PGK1: variants seen among roughly 807,000 people sequenced by gnomAD.
PGK1 encodes the protein phosphoglycerate kinase 1, also known as PRP 2.
PGK1 carries 3 observed loss-of-function variants against 26.9 expected under a neutral mutation model. That is an observed-to-expected ratio of 0.11 (90% CI 0.05 to 0.29). The LOEUF is 0.29. Among genes scored for constraint, PGK1 ranks in the 10% least tolerant of loss-of-function variants. The pLI, the probability that PGK1 is intolerant of heterozygous loss-of-function variation, is 1.00. For synonymous variants in PGK1, 125 were observed against 115.3 expected, an observed-to-expected ratio of 1.08 and a Z score of -0.54; for missense variants, 270 against 314.7, an observed-to-expected ratio of 0.86 and a Z score of 1.07.
At chrX:78,105,027 T>C (rs2078264044) in intron 1 of PGK1, among the ~76,000 whole-genome samples, 1 of 112,529 alleles carries the variant, frequency 8.9e-6, no homozygotes, top group African/African-American at 3.2e-5. Flanking sequence ...ATCGTTGGAC[T>C]CTTGGGCACA....
intron 9 of PGK1, 137 bp from the exon 10 acceptor site, chrX:78,125,190 G>A: frequency 2.8e-6 from 2 of 717,847 alleles, no homozygotes; most frequent in Non-Finnish European, 4.4e-6. Context: ...ATTTACAGAG[G>A]AGCCTCTTGG....
intron 6 of PGK1, among the ~76,000 whole-genome samples, chrX:78,118,642 G>A (rs2149134285): frequency 1.8e-5 from 2 of 111,264 alleles, no homozygotes; most frequent in East Asian, 5.6e-4. Context: ...GGTGTGGGTA[G>A]GGTTCAGGGA....
At chrX:78,106,609 A>G (rs2078273833) in intron 1 of PGK1, 3 of 752,474 alleles carry the variant, frequency 4.0e-6, no homozygotes, top group Non-Finnish European at 4.7e-6. Context: ...GAAGTGAACT[A>G]TGGTATTTGC....
intron 4 of PGK1, among the ~76,000 whole-genome samples, 179 bp downstream of exon 4, chrX:78,114,339 G>C (rs1557247251): frequency 8.9e-6 from 1 of 112,000 alleles, no homozygotes; most frequent in Non-Finnish European, 1.9e-5. Flanking sequence ...CACCACCCAG[G>C]TCAAGGAATA....
chrX:78,116,744 A>T (rs781956728), intron 4 of PGK1, among the ~76,000 whole-genome samples: 1 of 112,434 alleles, frequency 8.9e-6, no homozygotes, highest in Admixed American at 9.4e-5. Context: ...GTTTTCTCAG[A>T]TGCCTAGCTT....
Position 78,117,543 on chromosome X carries a change from C to T in PGK1, c.521+128C>T, listed in dbSNP as rs369068807. On this transcript the variant is annotated intron_variant, in intron 5 of 10. Transcript: ENST00000373316. ...ATCCTTTCAGCTTCTCTAATTGGAA[C>T]TGCCACTATGGCTCTTGTTGAGTAG... 32 of 523,622 alleles carry T rather than the reference C, an allele frequency of 6.1e-5. No individual in the cohort carries two copies. The African/African-American group carries it at 6.7e-4, about 11-fold the overall frequency. 43.2% of individuals were successfully genotyped at this position (523,622 alleles called of 1,213,427 possible).
chrX:78,111,032 C>T (rs1483776873), intron 2 of PGK1, among the ~76,000 whole-genome samples: 2 of 108,392 alleles, frequency 1.8e-5, no homozygotes, highest in Admixed American at 9.9e-5. Flanking sequence ...TAAAAGCATG[C>T]AATACATAAT....
At chrX:78,118,204 A>T in intron 6 of PGK1, 34 bp downstream of exon 6, 1 of 1,200,493 alleles carries the variant, frequency 8.3e-7, no homozygotes, top group East Asian at 3.0e-5. Flanking sequence ...TGCTTTAAGT[A>T]TTGTTTGCCT....
intron 1 of PGK1, among the ~76,000 whole-genome samples, chrX:78,108,632 T>C (rs1176540260): frequency 2.7e-5 from 3 of 111,883 alleles, no homozygotes; most frequent in Non-Finnish European, 3.8e-5. Flanking sequence ...TAGGAGTTTG[T>C]AATTGCCTTA....
At chrX:78,114,319 C>T (rs2078316183) in intron 4 of PGK1, among the ~76,000 whole-genome samples, 159 bp downstream of exon 4, 1 of 112,067 alleles carries the variant, frequency 8.9e-6, no homozygotes, top group Non-Finnish European at 1.9e-5. Context: ...AGTAAACACA[C>T]TTGTGTAACC....
At chrX:78,104,455 C>A in intron 1 of PGK1, 50 bp downstream of exon 1, 1 of 975,765 alleles carries the variant, frequency 1.0e-6, no homozygotes, top group East Asian at 3.0e-5. Flanking sequence ...TCGCAAACCT[C>A]TTTGGCCGGA....
intron 1 of PGK1, among the ~76,000 whole-genome samples, chrX:78,108,938 C>T (rs922096581): frequency 3.6e-5 from 4 of 111,722 alleles, no homozygotes; most frequent in African/African-American, 1.3e-4. Context: ...ACTGTCATCC[C>T]GATGAGAAAA....
Sources: gnomAD v4.1 joint callset for allele counts (sites outside exome capture counted in the v4.1 genomes callset) on GRCh38, gnomAD v4.1.1 for gene constraint, MANE v1.5 for transcripts, NCBI Gene and HGNC (gene_info 2026-07-23, HGNC 2026-07-21) for gene names.